Variants in PLAAT3 observed in about 807,000 individuals in gnomAD.
The protein encoded by PLAAT3 is phospholipase A and acyltransferase 3, also known as Ca-independent phospholipase A1/2.
In PLAAT3, 21 loss-of-function variants were observed where a neutral mutation model predicts 16.7. The observed-to-expected ratio is 1.26, with a 90% CI of 0.89 to 1.81. The LOEUF (loss-of-function observed/expected upper bound fraction) is 1.81, where lower values mean the gene tolerates loss of function less well. Ranked by LOEUF, PLAAT3 falls within the 40% of genes most tolerant of loss-of-function variation. The pLI is 0.00. For missense variants in PLAAT3, 219 were observed against 213.7 expected (o/e 1.02, Z -0.16); for synonymous variants, 76 against 81.7 (o/e 0.93, Z 0.38).
intron 4 of PLAAT3, among the ~76,000 whole-genome samples, chr11:63,586,542 CA>C (rs970631915): frequency 2.4e-4 from 37 of 152,266 alleles, no homozygotes; most frequent in African/African-American, 8.9e-4. Flanking sequence ...CTCTGAATTT[CA>C]AAAAGTATCT....
intron 2 of PLAAT3, among the ~76,000 whole-genome samples, chr11:63,612,601 T>C (rs1312907592): frequency 1.3e-5 from 2 of 152,242 alleles, no homozygotes; most frequent in African/African-American, 4.8e-5. Flanking sequence ...ATGCAAAGAT[T>C]GATTTTGACA....
Position 63,574,540 on chromosome 11 carries a change from G to T in PLAAT3, c.*405C>A, listed in dbSNP as rs546612772. ...AGAGGCCATCCTAGATCTAGTTCCG[G>T]GCCAAGGGTCCTGGCTGTCTGCTGC... On this transcript the variant is annotated 3_prime_UTR_variant, in exon 5 of 5. Transcript: ENST00000415826. 1 of 156,702 alleles carries T rather than the reference G, an allele frequency of 6.4e-6. No individual in the cohort carries two copies. The highest frequency in any genetic ancestry group is 2.5e-5 in the African/African-American group (1 of 40,632). The allele number at this position is 156,702 out of a possible 1,614,324, so 9.7% of individuals were successfully genotyped here. A position where few individuals can be genotyped will look rare whatever the true frequency, so the allele number is the denominator to read the frequency against.
At chr11:63,613,662 A>G (rs909989664) in intron 2 of PLAAT3, among the ~76,000 whole-genome samples, 1 of 100,668 alleles carries the variant, frequency 9.9e-6, no homozygotes, top group Non-Finnish European at 2.1e-5. Flanking sequence ...ATAGCCCCCA[A>G]GGCCTGTCCC....
Position 63,580,255 on chromosome 11 carries a change from G to C in PLAAT3, c.388-5209C>G, listed in dbSNP as rs376174321. ...TAGGCAGAATGATAAGCCCCAAAAG[G>C]TGTCCATGTCCTAATTTCAGGAATC... On this transcript the variant is annotated intron_variant, in intron 4 of 4. Coordinates refer to ENST00000415826, the MANE Select transcript of PLAAT3 (RefSeq NM_001128203.2). Among the ~76,000 whole-genome samples the C allele has an allele frequency of 1.2e-4, 18 of 152,292 alleles. No individual in the cohort carries two copies. The South Asian group carries it at 3.5e-3, about 30-fold the overall frequency.
At chr11:63,579,115 T>C (rs1590680295) in intron 4 of PLAAT3, among the ~76,000 whole-genome samples, 1 of 151,966 alleles carries the variant, frequency 6.6e-6, no homozygotes, top group African/African-American at 2.4e-5. Context: ...AAAAGACACA[T>C]GAAAAAATGC....
chr11:63,589,810 C>T lies in PLAAT3; in HGVS notation c.387+290G>A, dbSNP rs531530384. ...AACCTGCCTTTAGGGCTGGGGAGGG[C>T]CATCTCAGGGACAGGTGGCCAGGGA... On this transcript the variant is annotated intron_variant, in intron 4 of 4. Transcript: ENST00000415826. Among the ~76,000 whole-genome samples the T allele has an allele frequency of 6.2e-4, 94 of 152,242 alleles. 1 individual carries two copies. The highest frequency in any genetic ancestry group is 3.4e-3 in the Middle Eastern group (1 of 294).
rs889049689 is a variant in PLAAT3, at chr11:63,574,634, G to A, written c.*311C>T. The A allele has an allele frequency of 9.4e-5, 25 of 265,124 alleles. No homozygotes were observed. The highest frequency in any genetic ancestry group is 1.4e-4 in the Non-Finnish European group (20 of 138,130). The allele number at this position is 265,124 out of a possible 1,614,324, so 16.4% of individuals were successfully genotyped here. On this transcript the variant is annotated 3_prime_UTR_variant, in exon 5 of 5. Transcript: ENST00000415826. ...CGCATGTATCCTGACGACCAGAAACGCCCTCTACTTGAGATAACTGGAGCT... is the reference window on the plus strand; with the variant it reads ...CGCATGTATCCTGACGACCAGAAACACCCTCTACTTGAGATAACTGGAGCT...
intron 3 of PLAAT3, among the ~76,000 whole-genome samples, chr11:63,595,711 T>G (rs1458698834): frequency 1.3e-5 from 2 of 152,178 alleles, no homozygotes; most frequent in Non-Finnish European, 2.9e-5. Context: ...TTTTTTTAAT[T>G]CACTGACTGT....
chr11:63,604,522 G>T (rs1412836198), intron 2 of PLAAT3, among the ~76,000 whole-genome samples: 1 of 152,014 alleles, frequency 6.6e-6, no homozygotes, highest in Non-Finnish European at 1.5e-5. Context: ...CAGCACTTTG[G>T]GAGGCCAAGG....
intron 3 of PLAAT3, among the ~76,000 whole-genome samples, chr11:63,595,129 A>G (rs189502843): frequency 6.6e-6 from 1 of 152,070 alleles, no homozygotes; most frequent in African/African-American, 2.4e-5. Flanking sequence ...CATCTCTACT[A>G]AAAATACAAA....
intron 2 of PLAAT3, among the ~76,000 whole-genome samples, chr11:63,609,926 C>G (rs899277509): frequency 5.9e-5 from 9 of 152,234 alleles, no homozygotes; most frequent in Non-Finnish European, 1.0e-4. Context: ...TACTCACCCC[C>G]ACCACTACCA....
intron 2 of PLAAT3, among the ~76,000 whole-genome samples, chr11:63,603,753 CAG>C (rs1210068967): frequency 0.01 from 344 of 33,170 alleles, 3 homozygotes; most frequent in African/African-American, 0.036. Context: ...CACACACACA[CAG>C]ACAGAGATAT....
chr11:63,615,019 T>A (rs1271028551), upstream of PLAAT3, among the ~76,000 whole-genome samples: 4 of 20,672 alleles, frequency 1.9e-4, no homozygotes, highest in Non-Finnish European at 6.6e-4. Flanking sequence ...AGTCTCAAAA[T>A]ATATATATGT....
chr11:63,603,739 CACACACACACACACAG>C (rs767995760), intron 2 of PLAAT3, among the ~76,000 whole-genome samples: 2,546 of 142,326 alleles, frequency 0.018, 64 homozygotes, highest in African/African-American at 0.056. Context: ...CACACACACA[CACACACACACACACAG>C]ACAGAGATAT....
intron 3 of PLAAT3, among the ~76,000 whole-genome samples, chr11:63,595,199 G>C (rs1439911435): frequency 6.6e-6 from 1 of 151,208 alleles, no homozygotes; most frequent in Non-Finnish European, 1.5e-5. Flanking sequence ...GCTGAGGCAG[G>C]AGACTCGCTT....
chr11:63,593,265 G>A (rs777779572), intron 3 of PLAAT3, among the ~76,000 whole-genome samples: 5 of 152,254 alleles, frequency 3.3e-5, no homozygotes, highest in Admixed American at 6.5e-5. Context: ...ACAGAGTGGA[G>A]TGACATGGCA....
intron 4 of PLAAT3, among the ~76,000 whole-genome samples, chr11:63,580,150 C>T (rs1297207448): frequency 6.6e-6 from 1 of 152,076 alleles, no homozygotes; most frequent in Non-Finnish European, 1.5e-5. Context: ...ACTAGAGAGA[C>T]TGGAAGGGAA....
chr11:63,577,450 G>A (rs1421753150), intron 4 of PLAAT3, among the ~76,000 whole-genome samples: 8 of 152,162 alleles, frequency 5.3e-5, no homozygotes, highest in South Asian at 2.1e-4. Context: ...GATTACAGGC[G>A]TGAGCCGCCG....
intron 2 of PLAAT3, among the ~76,000 whole-genome samples, chr11:63,600,117 G>C (rs968029537): frequency 1.3e-5 from 2 of 152,068 alleles, no homozygotes; most frequent in South Asian, 2.1e-4. Context: ...AAATAGTTGG[G>C]AGCACAGGTG....
Sources: gnomAD v4.1 joint callset for allele counts (sites outside exome capture counted in the v4.1 genomes callset) on GRCh38, gnomAD v4.1.1 for gene constraint, MANE v1.5 for transcripts, NCBI Gene and HGNC (gene_info 2026-07-23, HGNC 2026-07-21) for gene names.